CLN6: variants seen among roughly 807,000 people sequenced by gnomAD.
CLN6 encodes the protein ceroid-lipofuscinosis neuronal protein 6.
A neutral mutation model predicts 33.3 loss-of-function variants in CLN6; 22 were observed. The ratio of observed to expected loss-of-function variants is 0.66; its 90% CI spans 0.47 to 0.94. CLN6 has a LOEUF of 0.94. Among genes scored for constraint, CLN6 ranks in the 40% least tolerant of loss-of-function variants. The pLI is 0.00. For synonymous variants in CLN6, 201 were observed against 174.6 expected (o/e 1.15, Z -1.19); for missense variants, 387 against 417.1 (o/e 0.93, Z 0.63).
rs1464988497 is a variant in CLN6 at position 68,209,810 on chromosome 15, C to T, written c.543-51G>A. The T allele has an allele frequency of 1.2e-6, 2 of 1,608,416 alleles. No homozygotes were observed. Among genetic ancestry groups the T allele is most frequent in the East Asian group, 2.2e-5 (1 of 44,752 alleles). On this transcript the variant is annotated intron_variant, in intron 5 of 6. Coordinates refer to ENST00000249806, the MANE Select transcript of CLN6 (RefSeq NM_017882.3). This position sits in a 1 kb window ranked among gnomAD's most constrained non-coding sequence, Gnocchi z 4.9. Reference sequence around the variant, plus strand: ...GAGGCCTGCTCAGCGGCCCTCTTCCCCACAACCTCTGCAACCACTCCCATG... The same window carrying T: ...GAGGCCTGCTCAGCGGCCCTCTTCCTCACAACCTCTGCAACCACTCCCATG...
chr15:68,218,781 T>TA, intron 1 of CLN6, 131 bp from the exon 2 acceptor site: 1 of 687,572 alleles, frequency 1.5e-6, no homozygotes, highest in Non-Finnish European at 2.6e-6. Flanking sequence ...GTTCTATGGA[T>TA]AGGGTTTTGC....
chr15:68,212,049 G>A (rs188403162), intron 3 of CLN6, 186 bp from the exon 4 acceptor site: 21 of 624,484 alleles, frequency 3.4e-5, no homozygotes, highest in African/African-American at 1.3e-4. Context: ...TATGAACCCC[G>A]GAGGGAATGT....
At chr15:68,218,180 C>A in intron 2 of CLN6, 1 of 280,156 alleles carries the variant, frequency 3.6e-6, no homozygotes, top group Non-Finnish European at 7.1e-6. Context: ...GGTGGGGGTG[C>A]GGTGCTCCAC....
Position 68,256,001 on chromosome 15 carries a change from CTGTT to C in CLN6, c.179+685_179+688del, listed in dbSNP as rs1308996726. ...ACAGGGTCCCACTATGTTGCCCTGT[CTGTT>C]GTCCAACTCCTCGCCCGAAGTGATC... On this transcript the variant is annotated intron_variant, in intron 1 of 6. Coordinates refer to the CLN6 transcript ENST00000538696. The surrounding 1 kb of genome is among the most constrained non-coding windows in gnomAD (Gnocchi z 4.1). 1.3e-5 allele frequency among the ~76,000 whole-genome samples: 2 copies of C among 151,746 alleles called. No homozygotes were observed. Among genetic ancestry groups the C allele is most frequent in the Middle Eastern group, 3.2e-3 (1 of 316 alleles).
chr15:68,222,327 G>A (rs1157505158), intron 1 of CLN6, among the ~76,000 whole-genome samples: 1 of 143,598 alleles, frequency 7.0e-6, no homozygotes, highest in Non-Finnish European at 1.5e-5. Context: ...CTGCCTGGCT[G>A]CCCATCGTCT....
chr15:68,230,722 T>G (rs575978624), upstream of CLN6, among the ~76,000 whole-genome samples: 21 of 152,294 alleles, frequency 1.4e-4, no homozygotes, highest in African/African-American at 4.6e-4. This position sits in a 1 kb window ranked among gnomAD's most constrained non-coding sequence, Gnocchi z 4.0. Flanking sequence ...GTGGACTAAG[T>G]TATTTACAAT....
rs897518695 is a variant in CLN6 at position 68,237,113 on chromosome 15, C to T, written c.180-18463G>A. ...CGGAGCTTGCAGTGAGCCGAGATTG[C>T]GCCACTGCAGTCCGCAATCCGGCCT... On this transcript the variant is annotated intron_variant, in intron 1 of 6. Transcript: ENST00000538696. Among the ~76,000 whole-genome samples, 36 of 139,990 alleles carry T rather than the reference C, an allele frequency of 2.6e-4. No individual in the cohort carries two copies. The South Asian group carries it at 7.5e-3, about 29-fold the overall frequency. 91.8% of individuals were successfully genotyped at this position (139,990 alleles called of 152,430 possible).
rs1273038370 is a variant in CLN6, at chr15:68,211,014, G to A, written c.542+249C>T. On this transcript the variant is annotated intron_variant, in intron 5 of 6. Transcript: ENST00000249806. The surrounding 1 kb of genome is among the most constrained non-coding windows in gnomAD (Gnocchi z 5.9). Reference sequence around the variant, plus strand: ...CCACAGCGGGCACTGAGGGCTGGGCGGGGGTGGCGATGCTGGGGGGATGCT... The same window carrying A: ...CCACAGCGGGCACTGAGGGCTGGGCAGGGGTGGCGATGCTGGGGGGATGCT... Among the ~76,000 whole-genome samples the A allele has an allele frequency of 2.6e-5, 4 of 152,222 alleles. No homozygotes were observed. Among genetic ancestry groups the A allele is most frequent in the Non-Finnish European group, 4.4e-5 (3 of 68,036 alleles).
At chr15:68,217,576 G>C (rs1318903448) in intron 2 of CLN6, among the ~76,000 whole-genome samples, 1 of 152,182 alleles carries the variant, frequency 6.6e-6, no homozygotes. Context: ...TGTACAAAGT[G>C]CCAGTTTCAG....
At position 68,229,386 on chromosome 15, in the gene CLN6, C is replaced by G. The variant is rs900333146; in HGVS notation, c.83+116G>C. 5.2e-6 allele frequency: 4 copies of G among 773,716 alleles called. No individual in the cohort carries two copies. The African/African-American group carries it at 5.6e-5, about 11-fold the overall frequency. 47.9% of individuals were successfully genotyped at this position (773,716 alleles called of 1,614,324 possible). ...AAGCCCCCCGCGCTCCGCTCCGCCC[C>G]GGCCAGCGCCGCACACGAGGTTCCC... On this transcript the variant is annotated intron_variant, in intron 1 of 6. Coordinates refer to ENST00000249806, the MANE Select transcript of CLN6 (RefSeq NM_017882.3).
At chr15:68,232,213 A>G (rs1424629809), upstream of CLN6, among the ~76,000 whole-genome samples, 1 of 148,416 alleles carries the variant, frequency 6.7e-6, no homozygotes, top group Non-Finnish European at 1.5e-5. This position sits in a 1 kb window ranked among gnomAD's most constrained non-coding sequence, Gnocchi z 4.7. Flanking sequence ...GCTGGAGTGC[A>G]ATGGCACGAT....
chr15:68,207,595 G>T lies in CLN6; in HGVS notation c.*545C>A. On this transcript the variant is annotated 3_prime_UTR_variant, in exon 7 of 7. Coordinates refer to ENST00000249806, the MANE Select transcript of CLN6 (RefSeq NM_017882.3). ...AACCCCAACCTACTGACCTACTTTG[G>T]GACCACAGGCCCATCTAGTGCAAAT... 1 of 185,472 alleles carries T rather than the reference G, an allele frequency of 5.4e-6. No individual in the cohort carries two copies. Among genetic ancestry groups the T allele is most frequent in the South Asian group, 1.1e-4 (1 of 9,294 alleles). The allele number at this position is 185,472 out of a possible 1,614,324, so 11.5% of individuals were successfully genotyped here. A position where few individuals can be genotyped will look rare whatever the true frequency, so the allele number is the denominator to read the frequency against.
rs2093255487 is a variant in CLN6 at position 68,227,434 on chromosome 15, G to A, written c.83+2068C>T. Among the ~76,000 whole-genome samples the A allele has an allele frequency of 6.6e-6, 1 of 152,238 alleles. No homozygotes were observed. On this transcript the variant is annotated intron_variant, in intron 1 of 6. Coordinates refer to ENST00000249806, the MANE Select transcript of CLN6 (RefSeq NM_017882.3). The surrounding 1 kb of genome is among the most constrained non-coding windows in gnomAD (Gnocchi z 4.1). ...AAGAGGTAGTGAGCAAAGCACGGAT[G>A]CAGCAGAGGAAATCCAAGCATCCTA...
chr15:68,253,431 C>A (rs548009381), intron 1 of CLN6, among the ~76,000 whole-genome samples: 2 of 152,262 alleles, frequency 1.3e-5, no homozygotes, highest in South Asian at 4.1e-4. Context: ...CCAATATTTC[C>A]CAAGGCATTC....
intron 1 of CLN6, among the ~76,000 whole-genome samples, chr15:68,255,936 G>C (rs1394522497): frequency 6.6e-6 from 1 of 151,962 alleles, no homozygotes. Flanking sequence ...TGGGACTACA[G>C]GTGCGGGCCA....
chr15:68,249,346 GAT>G (rs1892355426), intron 1 of CLN6, among the ~76,000 whole-genome samples: 1 of 152,204 alleles, frequency 6.6e-6, no homozygotes, highest in African/African-American at 2.4e-5. Flanking sequence ...AGAGGAAATT[GAT>G]ATATTGAAGA....
At chr15:68,248,279 A>G (rs1892345689) in intron 1 of CLN6, 1 of 152,228 alleles carries the variant, frequency 6.6e-6, no homozygotes, top group Non-Finnish European at 1.5e-5. Context: ...TGAAATAACC[A>G]TATGCAGAAG....
intron 1 of CLN6, among the ~76,000 whole-genome samples, chr15:68,235,982 G>A (rs1008483657): frequency 2.0e-5 from 3 of 152,130 alleles, no homozygotes; most frequent in Non-Finnish European, 2.9e-5. Flanking sequence ...CACATTTAGA[G>A]CCCTAAGCTT....
rs774960579 is a variant in CLN6 at position 68,214,383 on chromosome 15, T to C, written c.204A>G (p.Val68=). 2.0e-5 allele frequency: 33 copies of C among 1,613,090 alleles called. 1 individual carries two copies. The South Asian group carries it at 3.6e-4, about 18-fold the overall frequency. ...TGAGTGGAAACCACTCGAGAGGGAATACCAGCTGCGGAGCAAATGGAAGAA... is the reference window on the plus strand; with the variant it reads ...TGAGTGGAAACCACTCGAGAGGGAACACCAGCTGCGGAGCAAATGGAAGAA... ...LDFGRPIAML[V]FPLEWFPLNK... The change falls in exon 3 of 7, where the codon GTA becomes GTG. Residue 68 remains valine, a synonymous_variant. Coordinates refer to ENST00000249806, the MANE Select transcript of CLN6 (RefSeq NM_017882.3).
Sources: gnomAD v4.1 joint callset for allele counts (sites outside exome capture counted in the v4.1 genomes callset) on GRCh38, gnomAD v4.1.1 for gene constraint, Gnocchi (gnomAD v3.1) non-coding constraint, MANE v1.5 for transcripts, NCBI Gene and HGNC (gene_info 2026-07-23, HGNC 2026-07-21) for gene names.